KALRN: variants seen among roughly 807,000 people sequenced by gnomAD.
KALRN encodes the protein kalirin RhoGEF kinase.
A neutral mutation model predicts 353.7 loss-of-function variants in KALRN; 70 were observed. The ratio of observed to expected loss-of-function variants is 0.20; its 90% CI spans 0.16 to 0.24. The LOEUF is 0.24. KALRN is among the 10% of genes least tolerant of loss of function. The probability of loss-of-function intolerance (pLI) is 1.00; values close to 1 mark genes in which losing one functional copy is unlikely to be tolerated. For synonymous variants in KALRN, 1,391 were observed against 1,434.8 expected (o/e 0.97, Z 0.69); for missense variants, 2,791 against 3,756.7 (o/e 0.74, Z 6.72).
At chr3:124,543,495 G>C (rs767023600) in intron 33 of KALRN, among the ~76,000 whole-genome samples, 1 of 151,966 alleles carries the variant, frequency 6.6e-6, no homozygotes, top group Non-Finnish European at 1.5e-5. Context: ...TAGAGACGGG[G>C]TTTCACTGTG....
At position 124,683,310 on chromosome 3, in the gene KALRN, G is replaced by A. The variant is rs1251922189; in HGVS notation, c.7377+3793G>A. Among the ~76,000 whole-genome samples, 3 of 152,126 alleles carry A rather than the reference G, an allele frequency of 2.0e-5. No homozygotes were observed. In the East Asian group the frequency reaches 5.8e-4, roughly 29 times the overall value. ...CCCGGTATCTGCACTGACACCCCAGGCTCACGTGTTCAGGGTCAGCATCTG... is the reference window on the plus strand; with the variant it reads ...CCCGGTATCTGCACTGACACCCCAGACTCACGTGTTCAGGGTCAGCATCTG... On this transcript the variant is annotated intron_variant, in intron 51 of 59. Transcript: ENST00000682506.
Position 124,664,334 on chromosome 3 carries a change from AGTGTGT to A in KALRN, c.6346-2083_6346-2078del, listed in dbSNP as rs750940277. Among the ~76,000 whole-genome samples, 840 of 126,858 alleles carry A rather than the reference AGTGTGT, an allele frequency of 6.6e-3. 8 individuals carry two copies. The highest frequency in any genetic ancestry group is 0.013 in the Middle Eastern group (3 of 240). 83.2% of individuals were successfully genotyped at this position (126,858 alleles called of 152,430 possible). On this transcript the variant is annotated intron_variant, in intron 45 of 59. Transcript: ENST00000682506. The stretch of plus-strand genomic sequence containing the variant: ...TCACAGGAGCTGTGTTGTACATGTG[AGTGTGT>A]GTGTGTGTGTGTGTGTGTGTGTGTG...
intron 11 of KALRN, among the ~76,000 whole-genome samples, chr3:124,392,487 A>G (rs1473975592): frequency 6.6e-6 from 1 of 151,904 alleles, no homozygotes; most frequent in Non-Finnish European, 1.5e-5. Flanking sequence ...AGAATAAGTA[A>G]CTTACCCAAG....
intron 10 of KALRN, among the ~76,000 whole-genome samples, chr3:124,360,035 G>A (rs1233255416): frequency 6.6e-6 from 1 of 152,232 alleles, no homozygotes. Context: ...AGCCAATAGA[G>A]TAATGGTATA....
intron 1 of KALRN, among the ~76,000 whole-genome samples, chr3:124,062,860 A>G (rs1043620403): frequency 2.6e-5 from 4 of 152,204 alleles, no homozygotes; most frequent in African/African-American, 4.8e-5. Context: ...CTGGTGAGCT[A>G]TATGGGTTTG....
At chr3:124,631,050 T>A (rs1464899857) in intron 34 of KALRN, among the ~76,000 whole-genome samples, 3 of 152,218 alleles carry the variant, frequency 2.0e-5, no homozygotes, top group African/African-American at 7.2e-5. Flanking sequence ...TCAACTCTCC[T>A]GACCTATCAG....
intron 9 of KALRN, among the ~76,000 whole-genome samples, chr3:124,338,990 A>G (rs2081407917): frequency 6.6e-6 from 1 of 152,194 alleles, no homozygotes; most frequent in Non-Finnish European, 1.5e-5. Context: ...CTTTTTAAAA[A>G]CAGATTATCA....
chr3:124,431,421 C>G (rs1249034303), intron 16 of KALRN, among the ~76,000 whole-genome samples: 1 of 152,178 alleles, frequency 6.6e-6, no homozygotes, highest in Non-Finnish European at 1.5e-5. Context: ...TTATGATAAT[C>G]TAATATAAAT....
chr3:124,223,798 A>G (rs1009254710), intron 1 of KALRN, among the ~76,000 whole-genome samples: 7 of 152,236 alleles, frequency 4.6e-5, no homozygotes, highest in African/African-American at 1.7e-4. Flanking sequence ...AAGGTCACAC[A>G]GAGGCTGGAA....
intron 29 of KALRN, chr3:124,488,825 C>T (rs1056558474): frequency 6.6e-6 from 1 of 152,168 alleles, no homozygotes; most frequent in African/African-American, 2.4e-5. Flanking sequence ...TTTGAATGTA[C>T]AGTTCGGTGG....
At chr3:124,398,668 C>CTCCCTTT (rs763884947) in intron 12 of KALRN, 29 bp from the exon 13 acceptor site, 6 of 1,613,218 alleles carry the variant, frequency 3.7e-6, no homozygotes, top group Non-Finnish European at 5.1e-6. Flanking sequence ...AGGCCTCTCC[C>CTCCCTTT]TCCCTTTTTT....
chr3:124,436,271 C>T (rs1282177145), intron 17 of KALRN, among the ~76,000 whole-genome samples: 2 of 152,140 alleles, frequency 1.3e-5, no homozygotes, highest in African/African-American at 2.4e-5. Flanking sequence ...AGTGACCTTG[C>T]CGAAGGTTAC....
chr3:124,611,943 A>G (rs1404187774), intron 34 of KALRN, among the ~76,000 whole-genome samples: 2 of 152,218 alleles, frequency 1.3e-5, no homozygotes, highest in Non-Finnish European at 1.5e-5. Flanking sequence ...CTCAGCTTAA[A>G]TGTCACTTCT....
chr3:124,680,693 A>G (rs570052898), intron 51 of KALRN, among the ~76,000 whole-genome samples: 1 of 152,376 alleles, frequency 6.6e-6, no homozygotes, highest in East Asian at 1.9e-4. Flanking sequence ...AGTCAGCTGC[A>G]GAAGGAGCCA....
chr3:124,702,052 G>A lies in KALRN; in HGVS notation c.8011G>A (p.Gly2671Ser), dbSNP rs774897060. The A allele has an allele frequency of 1.2e-6, 2 of 1,613,414 alleles. No individual in the cohort carries two copies. Among genetic ancestry groups the A allele is most frequent in the Non-Finnish European group, 1.7e-6 (2 of 1,179,628 alleles). Residue 2671 changes from glycine (G) to serine (S), a missense_variant, in exon 57 of 60, where the codon GGT becomes AGT. Around this residue, in one of 11 missense-constraint regions of KALRN, gnomAD observed 188 missense variants for 402.9 expected, o/e 0.47. Transcript: ENST00000682506. ...RLPEYDAAAD[G>S]ATISWKENFD... ...TTCTTCCGAAGATGCTGCTGCTGATGGTGCCACCATTTCTTGGAAGGAAAA... is the reference window on the plus strand; with the variant it reads ...TTCTTCCGAAGATGCTGCTGCTGATAGTGCCACCATTTCTTGGAAGGAAAA...
intron 41 of KALRN, 89 bp downstream of exon 41, chr3:124,657,892 A>G: frequency 2.0e-6 from 2 of 977,132 alleles, no homozygotes; most frequent in South Asian, 2.8e-5. Flanking sequence ...AGTGGCTCAC[A>G]CCTGTAATTC....
At chr3:124,289,802 T>C (rs2076270892) in intron 5 of KALRN, among the ~76,000 whole-genome samples, 1 of 152,232 alleles carries the variant, frequency 6.6e-6, no homozygotes, top group Non-Finnish European at 1.5e-5. Context: ...ATCTTCTTTG[T>C]AGCATTATTA....
chr3:124,409,389 A>T (rs2091928213), intron 13 of KALRN, among the ~76,000 whole-genome samples: 1 of 152,196 alleles, frequency 6.6e-6, no homozygotes, highest in Admixed American at 6.5e-5. Flanking sequence ...GTCTCTCTGT[A>T]TTAGCAAACT....
chr3:124,362,056 GC>G (rs1397986444), intron 10 of KALRN, among the ~76,000 whole-genome samples: 1 of 152,100 alleles, frequency 6.6e-6, no homozygotes, highest in Non-Finnish European at 1.5e-5. Flanking sequence ...GGTAATGGGG[GC>G]AAATCAGGTT....
Sources: gnomAD v4.1 joint callset for allele counts (sites outside exome capture counted in the v4.1 genomes callset) on GRCh38, gnomAD v4.1.1 for gene constraint, gnomAD v4.1.1 regional missense constraint, MANE v1.5 for transcripts, NCBI Gene and HGNC (gene_info 2026-07-23, HGNC 2026-07-21) for gene names.